The following IKBKB variants were observed in gnomAD, a reference collection of about 807,000 sequenced individuals.
IKBKB encodes inhibitor of nuclear factor kappa-B kinase subunit beta.
IKBKB carries 42 observed loss-of-function variants against 113.6 expected under a neutral mutation model. That is an observed-to-expected ratio of 0.37 (90% CI 0.29 to 0.48). IKBKB has a LOEUF of 0.48. Ranked by LOEUF, IKBKB falls within the 20% of genes least tolerant of loss-of-function variation. The probability of loss-of-function intolerance (pLI) is 0.99; values close to 1 mark genes in which losing one functional copy is unlikely to be tolerated. For synonymous variants in IKBKB, 296 were observed against 361.3 expected (o/e 0.82, Z 2.05); for missense variants, 673 against 939.7 (o/e 0.72, Z 3.71).
At position 42,316,118 on chromosome 8, in the gene IKBKB, C is replaced by G. The variant is rs1373158498; in HGVS notation, c.801-92C>G. On this transcript the variant is annotated intron_variant, in intron 9 of 21. Transcript: ENST00000520810. The surrounding 1 kb of genome is among the most constrained non-coding windows in gnomAD (Gnocchi z 4.5). ...CATTTTCATTTTCAATCACCGTCTA[C>G]TGGCTGCCGTCTGTGTGTATACTGG... is the stretch of plus-strand genomic sequence containing the variant. 7.2e-7 allele frequency: 1 copy of G among 1,388,622 alleles called. No homozygotes were observed. The highest frequency in any genetic ancestry group is 9.9e-7 in the Non-Finnish European group (1 of 1,010,050). 86.0% of individuals were successfully genotyped at this position (1,388,622 alleles called of 1,614,324 possible).
rs202143222 is a variant in IKBKB, at chr8:42,331,836, C to T, written c.*857C>T. The T allele has an allele frequency of 5.0e-5, 12 of 241,744 alleles. No homozygotes were observed. The highest frequency in any genetic ancestry group is 2.3e-4 in the African/African-American group (10 of 44,306). The allele number at this position is 241,744 out of a possible 1,614,324, so 15.0% of individuals were successfully genotyped here. A position where few individuals can be genotyped will look rare whatever the true frequency, so the allele number is the denominator to read the frequency against. On this transcript the variant is annotated 3_prime_UTR_variant, in exon 22 of 22. Coordinates refer to ENST00000520810, the MANE Select transcript of IKBKB (RefSeq NM_001556.3). ...GCCCATGTCTCCATTCCTGCTCAAG[C>T]GTGTGTGCTGGGCCGGGGAGTCCCT... is the stretch of plus-strand genomic sequence containing the variant.
intron 5 of IKBKB, among the ~76,000 whole-genome samples, chr8:42,304,775 C>T (rs979102261): frequency 6.6e-6 from 1 of 152,218 alleles, no homozygotes. Flanking sequence ...AAAGAAACTT[C>T]CCTTCTCAAA....
intron 7 of IKBKB, among the ~76,000 whole-genome samples, chr8:42,308,073 A>G (rs555741873): frequency 5.3e-5 from 8 of 152,112 alleles, no homozygotes; most frequent in East Asian, 1.9e-4. Flanking sequence ...CTGTTTCTAA[A>G]TATCCTGGCC....
chr8:42,321,046 C>G, intron 16 of IKBKB: 1 of 468,186 alleles, frequency 2.1e-6, no homozygotes, highest in Non-Finnish European at 3.8e-6. Flanking sequence ...TCTTAAGTCA[C>G]GAAGTTGTAA....
chr8:42,321,665 G>T (rs1009737052), intron 16 of IKBKB: 33 of 479,610 alleles, frequency 6.9e-5, no homozygotes, highest in African/African-American at 5.8e-4. Context: ...GGGACTACAG[G>T]CGCATGCCAC....
Position 42,319,255 on chromosome 8 carries a change from T to C in IKBKB, c.1365-15T>C, listed in dbSNP as rs756051558. On this transcript the variant is annotated splice_polypyrimidine_tract_variant and intron_variant, in intron 13 of 21. Coordinates refer to ENST00000520810, the MANE Select transcript of IKBKB (RefSeq NM_001556.3). ...CCCAGAGATGCTCCAAGACTGTTCC[T>C]TGTGGTCCCTGCAGGATGAATCTCC... is the stretch of plus-strand genomic sequence containing the variant. 5.6e-6 allele frequency: 9 copies of C among 1,613,672 alleles called. No individual in the cohort carries two copies. Among genetic ancestry groups the C allele is most frequent in the South Asian group, 1.1e-5 (1 of 91,068 alleles).
chr8:42,282,946 G>A lies in IKBKB; in HGVS notation c.106-5688G>A, dbSNP rs144769878. On this transcript the variant is annotated intron_variant, in intron 2 of 21. Transcript: ENST00000520810. ...CCTAGGCCCAGGGAGTTAGGATTTCGCCTCAACTCTAGGGCGAAGCTGAGC... is the reference window on the plus strand; with the variant it reads ...CCTAGGCCCAGGGAGTTAGGATTTCACCTCAACTCTAGGGCGAAGCTGAGC... 2.7e-3 allele frequency among the ~76,000 whole-genome samples: 412 copies of A among 152,316 alleles called. 2 individuals are homozygous for A. Among genetic ancestry groups the A allele is most frequent in the Middle Eastern group, 6.8e-3 (2 of 294 alleles).
chr8:42,316,279 G>T lies in IKBKB; in HGVS notation c.870G>T (p.Thr290=). The T allele has an allele frequency of 6.2e-7, 1 of 1,614,122 alleles. No individual in the cohort carries two copies. The highest frequency in any genetic ancestry group is 1.3e-5 in the African/African-American group (1 of 75,030). ...TGTGGCACCCCCGACAGAGGGGCACGGATCCCACGTATGGGCCCAATGGCT... is the reference window on the plus strand; with the variant it reads ...TGTGGCACCCCCGACAGAGGGGCACTGATCCCACGTATGGGCCCAATGGCT... The part of the protein sequence containing the change: ...MLMWHPRQRG[T]DPTYGPNGCF... The change falls in exon 10 of 22, where the codon ACG becomes ACT. Residue 290 remains threonine (T), a synonymous_variant. Transcript: ENST00000520810. This position sits in a 1 kb window ranked among gnomAD's most constrained non-coding sequence, Gnocchi z 4.5.
chr8:42,322,216 T>A (rs1819908633), intron 18 of IKBKB, 63 bp downstream of exon 18: 1 of 1,554,890 alleles, frequency 6.4e-7, no homozygotes, highest in Admixed American at 1.7e-5. Context: ...GAGGTCACCT[T>A]CCTCCCTCCT....
At chr8:42,314,812 A>G (rs1234151390) in intron 9 of IKBKB, among the ~76,000 whole-genome samples, 2 of 152,096 alleles carry the variant, frequency 1.3e-5, no homozygotes, top group African/African-American at 4.8e-5. Flanking sequence ...TCAAGTCTGA[A>G]GTGACATCTG....
At chr8:42,318,069 C>T (rs1819030146) in intron 12 of IKBKB, among the ~76,000 whole-genome samples, 1 of 151,898 alleles carries the variant, frequency 6.6e-6, no homozygotes. Context: ...CAAGACCAGC[C>T]TGGGTAATAT....
intron 2 of IKBKB, 64 bp from the exon 3 acceptor site, chr8:42,288,570 A>G: frequency 7.8e-7 from 1 of 1,280,956 alleles, no homozygotes; most frequent in Non-Finnish European, 1.1e-6. Context: ...CCTCCCATGC[A>G]GCAGACAGGG....
chr8:42,287,398 T>C (rs1327014166), intron 2 of IKBKB, among the ~76,000 whole-genome samples: 1 of 152,260 alleles, frequency 6.6e-6, no homozygotes, highest in African/African-American at 2.4e-5. Context: ...CTTTGGCATG[T>C]GCACTGAAGG....
chr8:42,314,787 A>G (rs1222320250), intron 9 of IKBKB, among the ~76,000 whole-genome samples: 2 of 151,928 alleles, frequency 1.3e-5, no homozygotes, highest in Non-Finnish European at 2.9e-5. Flanking sequence ...AAAAAAAAAA[A>G]AAGAAAAAAG....
intron 19 of IKBKB, chr8:42,325,185 A>C (rs1487399300): frequency 2.0e-6 from 2 of 981,374 alleles, no homozygotes; most frequent in Admixed American, 6.2e-5. Context: ...TGAGCTGAGG[A>C]GGCTCAGGTA....
Position 42,316,823 on chromosome 8 carries a change from G to A in IKBKB, c.1044G>A (p.Glu348=). 6.2e-7 allele frequency: 1 copy of A among 1,614,182 alleles called. No individual in the cohort carries two copies. Among genetic ancestry groups the A allele is most frequent in the Non-Finnish European group, 8.5e-7 (1 of 1,180,036 alleles). ...TCCAACAGGACACGGGCATCCCAGA[G>A]GAGGACCAGGAGCTGCTGCAGGAAG... ...ARIQQDTGIP[E]EDQELLQEAG... The change falls in exon 11 of 22, where the codon GAG becomes GAA. Residue 348 remains glutamate (E), a synonymous_variant. Transcript: ENST00000520810. This position sits in a 1 kb window ranked among gnomAD's most constrained non-coding sequence, Gnocchi z 4.5.
At chr8:42,287,419 T>TA (rs1274494691) in intron 2 of IKBKB, among the ~76,000 whole-genome samples, 2 of 152,268 alleles carry the variant, frequency 1.3e-5, no homozygotes, top group Non-Finnish European at 2.9e-5. Flanking sequence ...AATTACCTGT[T>TA]ACAGGAGTAT....
At chr8:42,327,058 A>T (rs1820877914) in intron 20 of IKBKB, among the ~76,000 whole-genome samples, 1 of 152,198 alleles carries the variant, frequency 6.6e-6, no homozygotes, top group African/African-American at 2.4e-5. Flanking sequence ...AGCTCTGTAA[A>T]TACGCGAAAA....
In IKBKB at chr8:42,320,788, T is replaced by C; in HGVS notation, c.1632T>C (p.Ile544=). ...GGATGATGGCTCTGCAGACCGACAT[T>C]GTGGACTTACAGAGGAGCCCCATGG... ...VERMMALQTD[I]VDLQRSPMGR... The change falls in exon 16 of 22, where the codon ATT becomes ATC. Residue 544 remains isoleucine (I), a synonymous_variant. Coordinates refer to ENST00000520810, the MANE Select transcript of IKBKB (RefSeq NM_001556.3). 6.2e-7 allele frequency: 1 copy of C among 1,610,308 alleles called. No homozygotes were observed. Among genetic ancestry groups the C allele is most frequent in the South Asian group, 1.1e-5 (1 of 90,646 alleles).
Sources: allele counts gnomAD v4.1 joint callset (sites outside exome capture counted in the v4.1 genomes callset), GRCh38; gene constraint gnomAD v4.1.1; non-coding constraint Gnocchi (gnomAD v3.1); transcripts MANE v1.5; gene names NCBI Gene and HGNC (gene_info 2026-07-23, HGNC 2026-07-21).